Variants in HIPK2 observed in about 807,000 individuals in gnomAD.
HIPK2 encodes the protein homeodomain-interacting protein kinase 2.
A neutral mutation model predicts 113.7 loss-of-function variants in HIPK2; 27 were observed. The observed-to-expected ratio is 0.24, with a 90% CI of 0.17 to 0.33. The LOEUF (loss-of-function observed/expected upper bound fraction) is 0.33. HIPK2 is among the 10% of genes least tolerant of loss of function. HIPK2 has a pLI of 1.00. For synonymous variants in HIPK2, 631 were observed against 642.2 expected (o/e 0.98, Z 0.26); for missense variants, 1,257 against 1,588.0 (o/e 0.79, Z 3.54).
chr7:139,697,863 ATTTT>A (rs1206821973), intron 2 of HIPK2, among the ~76,000 whole-genome samples: 1 of 135,278 alleles, frequency 7.4e-6, no homozygotes, highest in Non-Finnish European at 1.5e-5. Flanking sequence ...TCTTAATGGA[ATTTT>A]TTTTTTTTTT....
At chr7:139,646,219 G>A (rs1801216237) in intron 2 of HIPK2, among the ~76,000 whole-genome samples, 1 of 152,158 alleles carries the variant, frequency 6.6e-6, no homozygotes, top group Admixed American at 6.5e-5. Context: ...CCTTAAGGCT[G>A]GTGCGGTGGC....
chr7:139,694,305 C>T (rs1198372965), intron 2 of HIPK2, among the ~76,000 whole-genome samples: 1 of 152,168 alleles, frequency 6.6e-6, no homozygotes, highest in African/African-American at 2.4e-5. Context: ...CCACAAGACA[C>T]CAGATATGTA....
intron 2 of HIPK2, among the ~76,000 whole-genome samples, chr7:139,633,074 C>G (rs1003564745): frequency 8.6e-6 from 1 of 116,256 alleles, no homozygotes; most frequent in South Asian, 2.7e-4. Flanking sequence ...CCAGCCTGGA[C>G]GACAGAAATA....
chr7:139,773,534 A>G (rs955808254), intron 1 of HIPK2, among the ~76,000 whole-genome samples: 3 of 152,224 alleles, frequency 2.0e-5, no homozygotes, highest in African/African-American at 7.2e-5. Context: ...AAATGCTCAC[A>G]TATCACACCC....
At chr7:139,727,350 G>A (rs528899147) in intron 1 of HIPK2, among the ~76,000 whole-genome samples, 1 of 152,286 alleles carries the variant, frequency 6.6e-6, no homozygotes, top group East Asian at 1.9e-4. Flanking sequence ...CACAGGGTCA[G>A]GAGCAGGGAA....
At chr7:139,606,162 A>G (rs1172926953) in intron 9 of HIPK2, among the ~76,000 whole-genome samples, 1 of 152,232 alleles carries the variant, frequency 6.6e-6, no homozygotes, top group Non-Finnish European at 1.5e-5. Context: ...GCTTCATCAG[A>G]CATTTTTATA....
At chr7:139,689,976 G>A (rs1289096503) in intron 2 of HIPK2, among the ~76,000 whole-genome samples, 1 of 151,514 alleles carries the variant, frequency 6.6e-6, no homozygotes, top group Non-Finnish European at 1.5e-5. Context: ...GCTCACGCAG[G>A]GTGCCGGGCA....
chr7:139,717,730 T>G (rs1014767649), intron 1 of HIPK2, among the ~76,000 whole-genome samples: 5 of 106,398 alleles, frequency 4.7e-5, no homozygotes, highest in East Asian at 2.6e-4. Flanking sequence ...TTTCTTTTTG[T>G]TTTTTTTTGT....
intron 1 of HIPK2, among the ~76,000 whole-genome samples, chr7:139,736,173 C>T (rs921971645): frequency 7.2e-5 from 11 of 151,938 alleles, no homozygotes; most frequent in East Asian, 5.8e-4. Flanking sequence ...ATCTGAGAGG[C>T]GATAGGAACC....
intron 13 of HIPK2, among the ~76,000 whole-genome samples, chr7:139,580,480 G>A (rs1585233482): frequency 6.6e-6 from 1 of 152,206 alleles, no homozygotes; most frequent in South Asian, 2.1e-4. Context: ...AAGCGACAAT[G>A]GGCTAATGCT....
chr7:139,724,641 A>C (rs1292195962), intron 1 of HIPK2, among the ~76,000 whole-genome samples: 1 of 150,746 alleles, frequency 6.6e-6, no homozygotes, highest in East Asian at 2.0e-4. Context: ...TTAACTCGTC[A>C]TTTAGCATTA....
chr7:139,740,907 G>A (rs1378739410), intron 1 of HIPK2, among the ~76,000 whole-genome samples: 1 of 152,206 alleles, frequency 6.6e-6, no homozygotes, highest in African/African-American at 2.4e-5. Flanking sequence ...AGCACTTTGA[G>A]AGGCTGAGAT....
At chr7:139,737,624 A>G (rs1795974935) in intron 1 of HIPK2, among the ~76,000 whole-genome samples, 1 of 152,190 alleles carries the variant, frequency 6.6e-6, no homozygotes. Flanking sequence ...CCTCTGCTAC[A>G]CCAGGAGTTT....
Position 139,562,087 on chromosome 7 carries a change from C to T in HIPK2, c.*10840G>A, listed in dbSNP as rs1278351750. ...GAATAGGTTACATATAGGTCTACAACACATTGGTTTGTCTTTAAAAAAACA... is the reference window on the plus strand; with the variant it reads ...GAATAGGTTACATATAGGTCTACAATACATTGGTTTGTCTTTAAAAAAACA... On this transcript the variant is annotated 3_prime_UTR_variant, in exon 15 of 15. Coordinates refer to ENST00000406875, the MANE Select transcript of HIPK2 (RefSeq NM_022740.5). 1 of 152,080 alleles carries T rather than the reference C, an allele frequency of 6.6e-6. No individual in the cohort carries two copies. Among genetic ancestry groups the T allele is most frequent in the Admixed American group, 6.5e-5 (1 of 15,280 alleles). 9.4% of individuals were successfully genotyped at this position (152,080 alleles called of 1,614,324 possible).
intron 1 of HIPK2, among the ~76,000 whole-genome samples, chr7:139,720,876 G>C (rs916748197): frequency 7.9e-5 from 12 of 152,186 alleles, no homozygotes; most frequent in African/African-American, 2.4e-4. Flanking sequence ...GTTTCAAAAA[G>C]ATCTTGGTGG....
intron 1 of HIPK2, among the ~76,000 whole-genome samples, chr7:139,725,314 T>A (rs760460545): frequency 2.0e-5 from 3 of 152,160 alleles, no homozygotes; most frequent in Non-Finnish European, 4.4e-5. Flanking sequence ...AAGCTGCAAT[T>A]AGAAAGATGG....
chr7:139,595,971 CCATGAGATTTTGGG>C (rs1181852270), intron 12 of HIPK2, among the ~76,000 whole-genome samples: 1 of 152,108 alleles, frequency 6.6e-6, no homozygotes, highest in Non-Finnish European at 1.5e-5. Context: ...CAGGGTGGGG[CCATGAGATTTTGGG>C]CTCTACAAGG....
At chr7:139,740,876 G>A (rs1406153717) in intron 1 of HIPK2, among the ~76,000 whole-genome samples, 1 of 152,228 alleles carries the variant, frequency 6.6e-6, no homozygotes, top group Non-Finnish European at 1.5e-5. Flanking sequence ...GCCAGGCGCG[G>A]TGGCTCATGC....
At position 139,704,120 on chromosome 7, in the gene HIPK2, CCACA is replaced by C. The variant is rs1260504157; in HGVS notation, c.1103+11808_1103+11811del. On this transcript the variant is annotated intron_variant, in intron 2 of 14. Coordinates refer to ENST00000406875, the MANE Select transcript of HIPK2 (RefSeq NM_022740.5). ...ACCCAACATACACACCCAACACACA[CCACA>C]CACACACCACACACACACACCATAC... Among the ~76,000 whole-genome samples the C allele has an allele frequency of 2.3e-3, 291 of 124,622 alleles. 3 individuals carry two copies. The highest frequency in any genetic ancestry group is 7.6e-3 in the African/African-American group (245 of 32,258). 81.8% of individuals were successfully genotyped at this position (124,622 alleles called of 152,430 possible). A position where few individuals can be genotyped will look rare whatever the true frequency, so the allele number is the denominator to read the frequency against.
Sources: gnomAD v4.1 joint callset for allele counts (sites outside exome capture counted in the v4.1 genomes callset) on GRCh38, gnomAD v4.1.1 for gene constraint, MANE v1.5 for transcripts, NCBI Gene and HGNC (gene_info 2026-07-23, HGNC 2026-07-21) for gene names.